Variants in ABCG2 observed in about 807,000 individuals in gnomAD.
ABCG2 encodes the protein broad substrate specificity ATP-binding cassette transporter ABCG2.
Under a neutral mutation model 73.5 loss-of-function variants are expected in ABCG2, and 80 were observed. That is an observed-to-expected ratio of 1.09 (90% confidence interval 0.91 to 1.31). The LOEUF (loss-of-function observed/expected upper bound fraction) is 1.31. Among genes scored for constraint, ABCG2 ranks in the 50% most tolerant of loss-of-function variants. ABCG2 has a pLI of 0.00. For missense variants in ABCG2, 796 were observed against 786.2 expected, an observed-to-expected ratio of 1.01 and a Z score of -0.15; for synonymous variants, 269 against 282.4, an observed-to-expected ratio of 0.95 and a Z score of 0.48.
intron 1 of ABCG2, among the ~76,000 whole-genome samples, chr4:88,178,936 G>A (rs953278463): frequency 6.6e-6 from 1 of 152,184 alleles, no homozygotes; most frequent in African/African-American, 2.4e-5. Flanking sequence ...GCTCCCAGAT[G>A]ACATCTGTGG....
chr4:88,193,606 G>A (rs1341993565), intron 1 of ABCG2, among the ~76,000 whole-genome samples: 9 of 152,134 alleles, frequency 5.9e-5, no homozygotes, highest in Non-Finnish European at 1.2e-4. Flanking sequence ...GCAATACAAT[G>A]ATATCAAGCT....
At chr4:88,155,647 G>A (rs1209095850) in intron 1 of ABCG2, among the ~76,000 whole-genome samples, 2 of 152,258 alleles carry the variant, frequency 1.3e-5, no homozygotes, top group African/African-American at 4.8e-5. Context: ...GCTCATGCCT[G>A]TATTCCCAGC....
At position 88,132,612 on chromosome 4, in the gene ABCG2, T is replaced by C. The variant is rs1366180487; in HGVS notation, c.227A>G (p.Asn76Ser). Residue 76 changes from asparagine to serine, a missense_variant, in exon 3 of 16, where the codon AAC (asparagine) becomes AGC (serine). Physicochemically the swap from Asn to Ser is conservative, Grantham distance 46. Transcript: ENST00000237612. ...TCCACCTGTGGGTCCCAGGATGGCG[T>C]TGAGACCAGGTTTCATGATCCCACT... Reference protein sequence around the residue: ...NINGIMKPGLNAILGPTGGGK... With the variant: ...NINGIMKPGLSAILGPTGGGK... 6.2e-7 allele frequency: 1 copy of C among 1,614,074 alleles called. No homozygotes were observed. The highest frequency in any genetic ancestry group is 1.3e-5 in the African/African-American group (1 of 74,928).
intron 6 of ABCG2, among the ~76,000 whole-genome samples, chr4:88,119,701 T>C (rs111447603): frequency 6.6e-6 from 1 of 152,192 alleles, no homozygotes. Flanking sequence ...TTAGAGCATC[T>C]GGTAGAAGAA....
chr4:88,127,600 G>A (rs1010287439), intron 5 of ABCG2, among the ~76,000 whole-genome samples: 1 of 152,020 alleles, frequency 6.6e-6, no homozygotes, highest in African/African-American at 2.4e-5. Flanking sequence ...ACAGAACAGA[G>A]GCCTCAGAAA....
At chr4:88,095,638 C>A in intron 13 of ABCG2, 29 bp from the exon 14 acceptor site, 3 of 1,559,544 alleles carry the variant, frequency 1.9e-6, no homozygotes, top group Non-Finnish European at 2.7e-6. Flanking sequence ...AAAAGTCAGG[C>A]CTGCTTGAGT....
At chr4:88,201,803 C>T (rs1729174525) in intron 1 of ABCG2, 1 of 152,162 alleles carries the variant, frequency 6.6e-6, no homozygotes, top group African/African-American at 2.4e-5. Context: ...GAAGTGTTCC[C>T]TATTTAATAA....
rs909336801 is a variant in ABCG2 at position 88,121,560 on chromosome 4, C to T, written c.689+75G>A. On this transcript the variant is annotated intron_variant, in intron 6 of 15. Coordinates refer to ENST00000237612, the MANE Select transcript of ABCG2 (RefSeq NM_004827.3). Reference sequence around the variant, plus strand: ...GAAATTACTTTGATCATTTCTGAACCCCCTGCCCCAAGAATATCTGGGACA... The same window carrying T: ...GAAATTACTTTGATCATTTCTGAACTCCCTGCCCCAAGAATATCTGGGACA... 5 of 1,374,952 alleles carry T rather than the reference C, an allele frequency of 3.6e-6. No individual in the cohort carries two copies. The African/African-American group carries it at 7.3e-5, about 20-fold the overall frequency. 85.2% of individuals were successfully genotyped at this position (1,374,952 alleles called of 1,614,324 possible).
At chr4:88,149,570 G>A (rs373934667) in intron 1 of ABCG2, among the ~76,000 whole-genome samples, 26 of 152,168 alleles carry the variant, frequency 1.7e-4, no homozygotes, top group African/African-American at 6.0e-4. Context: ...AAATTAATTC[G>A]GCCGGGCATG....
chr4:88,146,105 T>C lies in ABCG2; in HGVS notation c.-19-6091A>G, dbSNP rs180732996. 1.1e-4 allele frequency among the ~76,000 whole-genome samples: 17 copies of C among 152,244 alleles called. No homozygotes were observed. In the East Asian group the frequency reaches 3.1e-3, roughly 28 times the overall value. ...TCAAAGGTTAAGGCTTTGAGAGGGA[T>C]GAACTTTTGTTAAATCAGAACCAAC... On this transcript the variant is annotated intron_variant, in intron 1 of 15. Transcript: ENST00000237612.
At chr4:88,185,443 G>GT (rs1728414295) in intron 1 of ABCG2, among the ~76,000 whole-genome samples, 1 of 152,106 alleles carries the variant, frequency 6.6e-6, no homozygotes, top group Non-Finnish European at 1.5e-5. Context: ...CTGGACAACA[G>GT]TTTTTTTGAG....
chr4:88,188,054 T>G (rs1026518634), intron 1 of ABCG2, among the ~76,000 whole-genome samples: 1 of 152,192 alleles, frequency 6.6e-6, no homozygotes, highest in Non-Finnish European at 1.5e-5. Context: ...TAAAAAGCAC[T>G]GCTAAATCCA....
intron 7 of ABCG2, among the ~76,000 whole-genome samples, chr4:88,116,900 A>G (rs1216153164): frequency 6.6e-6 from 1 of 152,228 alleles, no homozygotes; most frequent in Non-Finnish European, 1.5e-5. Context: ...ACACATTTCA[A>G]TTTGAAATAA....
chr4:88,131,835 T>C lies in ABCG2; in HGVS notation c.346A>G (p.Asn116Asp). 1.2e-6 allele frequency: 2 copies of C among 1,613,740 alleles called. No individual in the cohort carries two copies. The highest frequency in any genetic ancestry group is 1.7e-4 in the Middle Eastern group (1 of 5,848). ...VLINGAPRPA[N>D]FKCNSGYVVQ... ...ACGTAACCTGAATTACATTTGAAAT[T>C]GGCAGGTCGCGGTGCTCCATTTATC... Residue 116 changes from asparagine (N) to aspartate (D), a missense_variant, in exon 4 of 16, where the codon AAT becomes GAT. Coordinates refer to ENST00000237612, the MANE Select transcript of ABCG2 (RefSeq NM_004827.3).
chr4:88,216,627 T>G (rs987427644), intron 1 of ABCG2, among the ~76,000 whole-genome samples: 2 of 152,178 alleles, frequency 1.3e-5, no homozygotes, highest in African/African-American at 4.8e-5. Flanking sequence ...GGCACTATTG[T>G]CCGGGGTGAC....
At chr4:88,165,302 T>C (rs1727472980) in intron 1 of ABCG2, among the ~76,000 whole-genome samples, 1 of 152,222 alleles carries the variant, frequency 6.6e-6, no homozygotes, top group Admixed American at 6.5e-5. Context: ...ATTACATTTC[T>C]ATGGGTCAGA....
intron 1 of ABCG2, among the ~76,000 whole-genome samples, chr4:88,150,783 C>T (rs1432614066): frequency 6.6e-6 from 1 of 152,218 alleles, no homozygotes; most frequent in Non-Finnish European, 1.5e-5. Flanking sequence ...ATCACTCTGA[C>T]TTTGGTCATG....
rs387906870 is a variant in ABCG2, at chr4:88,118,157, TAA to T, written c.791_792del (p.Leu264HisfsTer14). 70 of 1,613,998 alleles carry T rather than the reference TAA, an allele frequency of 4.3e-5. No individual in the cohort carries two copies. The highest frequency in any genetic ancestry group is 4.8e-5 in the Non-Finnish European group (57 of 1,180,008). On this transcript the variant is annotated frameshift_variant, in exon 7 of 16. Transcript: ENST00000237612. LOFTEE classifies it high-confidence loss of function. ...GCCTCCTGAGCAGGCCCGTGGAACA[TAA>T]GTCTTCCTGAGGCCAATAAGGTGAG... is the stretch of plus-strand genomic sequence containing the variant. ...DSLTLLASGR[L>X]MFHGPAQEAL...
intron 1 of ABCG2, among the ~76,000 whole-genome samples, chr4:88,169,428 C>T (rs924556238): frequency 6.6e-6 from 1 of 152,080 alleles, no homozygotes; most frequent in African/African-American, 2.4e-5. Context: ...GTCATAAAGG[C>T]TTATTCATTC....
Sources: gnomAD v4.1 joint callset for allele counts (sites outside exome capture counted in the v4.1 genomes callset) on GRCh38, gnomAD v4.1.1 for gene constraint, MANE v1.5 for transcripts, NCBI Gene and HGNC (gene_info 2026-07-23, HGNC 2026-07-21) for gene names.